The following DDX50 variants were observed in gnomAD, a reference collection of about 807,000 sequenced individuals.
DDX50 encodes the protein ATP-dependent RNA helicase DDX50.
In DDX50, 56 loss-of-function variants were observed where a neutral mutation model predicts 94.8. That is an observed-to-expected ratio of 0.59 (90% CI 0.48 to 0.74). The LOEUF (loss-of-function observed/expected upper bound fraction) is 0.74, where lower values mean the gene tolerates loss of function less well. Among genes scored for constraint, DDX50 ranks in the 30% least tolerant of loss-of-function variants. The pLI is 0.00. For synonymous variants in DDX50, 264 were observed against 295.4 expected (o/e 0.89, Z 1.09); for missense variants, 713 against 881.2 (o/e 0.81, Z 2.42).
Position 68,930,112 on chromosome 10 carries a change from T to C in DDX50, c.1240-4087T>C, listed in dbSNP as rs1313305997. Among the ~76,000 whole-genome samples the C allele has an allele frequency of 1.0e-3, 134 of 127,688 alleles. 1 individual carries two copies. Among genetic ancestry groups the C allele is most frequent in the African/African-American group, 5.0e-3 (130 of 25,828 alleles). The allele number at this position is 127,688 out of a possible 152,430, so 83.8% of individuals were successfully genotyped here. ...CCTTCCTTCCTTCCTTTCTTTCCTT[T>C]CCTTTTTTTTTTTTTTTTTTTTTTG... On this transcript the variant is annotated intron_variant, in intron 8 of 14. Transcript: ENST00000373585.
At chr10:68,909,254 T>G (rs982903610) in intron 2 of DDX50, among the ~76,000 whole-genome samples, 1 of 152,232 alleles carries the variant, frequency 6.6e-6, no homozygotes, top group Non-Finnish European at 1.5e-5. Context: ...AAATTGTTAG[T>G]GTGTGTTTCT....
chr10:68,943,290 A>AGAAT, intron 14 of DDX50, 33 bp downstream of exon 14: 1 of 1,543,384 alleles, frequency 6.5e-7, no homozygotes, highest in Non-Finnish European at 8.8e-7. Flanking sequence ...TAAATGGTTG[A>AGAAT]GTACATTCTC....
Position 68,913,432 on chromosome 10 carries a change from C to G in DDX50, c.799C>G (p.Pro267Ala). 1 of 1,614,000 alleles carries G rather than the reference C, an allele frequency of 6.2e-7. No homozygotes were observed. The highest frequency in any genetic ancestry group is 8.5e-7 in the Non-Finnish European group (1 of 1,179,986). ...TGGTATTGACATCTTGGTTGGAACA[C>G]CTGGTCGTATCAAAGACCATCTGCA... is the stretch of plus-strand genomic sequence containing the variant. The part of the protein sequence containing the change: ...RNGIDILVGT[P>A]GRIKDHLQSG... The change falls in exon 6 of 15, where the codon CCT (proline) becomes GCT (alanine). Residue 267 changes from proline to alanine, a missense_variant. Coordinates refer to ENST00000373585, the MANE Select transcript of DDX50 (RefSeq NM_024045.2).
Position 68,908,984 on chromosome 10 carries a change from TTTTG to T in DDX50, c.385-1307_385-1304del, listed in dbSNP as rs756089643. Among the ~76,000 whole-genome samples the T allele has an allele frequency of 2.4e-4, 37 of 152,074 alleles. 1 individual carries two copies. Among genetic ancestry groups the T allele is most frequent in the Admixed American group, 3.9e-4 (6 of 15,280 alleles). On this transcript the variant is annotated intron_variant, in intron 2 of 14. Transcript: ENST00000373585. ...TCTACAATGACAGTGTATTGTTTAT[TTTTG>T]TTTGTTTGTTTGTTTTTTATAGAGA...
rs1333241338 is a variant in DDX50, at chr10:68,946,526, CAG to C, written c.2113_2114del (p.Arg706ThrfsTer12). Reference protein sequence around the residue: ...GGRSGGRSGRQSRQGSRSGSR... With the variant: ...GGRSGGRSGRXSRQGSRSGSR... ...TCGATCTGGCGGCCGGTCAGGTAGACAGAGTCGACAAGGAAGTCGCTCAGGAA... is the reference window on the plus strand; with the variant it reads ...TCGATCTGGCGGCCGGTCAGGTAGACAGTCGACAAGGAAGTCGCTCAGGAA... On this transcript the variant is annotated frameshift_variant, in exon 15 of 15. Coordinates refer to ENST00000373585, the MANE Select transcript of DDX50 (RefSeq NM_024045.2). LOFTEE classifies it high-confidence loss of function. The C allele has an allele frequency of 1.2e-6, 2 of 1,614,184 alleles. No homozygotes were observed. The highest frequency in any genetic ancestry group is 1.1e-5 in the South Asian group (1 of 91,084).
intron 12 of DDX50, 97 bp downstream of exon 12, chr10:68,937,192 A>G: frequency 7.5e-7 from 1 of 1,327,590 alleles, no homozygotes; most frequent in Non-Finnish European, 9.9e-7. Flanking sequence ...GTGCAGAAAA[A>G]AACTGTTTTG....
At chr10:68,944,063 A>G (rs1213265471) in intron 14 of DDX50, among the ~76,000 whole-genome samples, 1 of 152,196 alleles carries the variant, frequency 6.6e-6, no homozygotes, top group East Asian at 1.9e-4. Flanking sequence ...GTATTCTATC[A>G]TTTCAACCAT....
At chr10:68,943,342 G>A in intron 14 of DDX50, 85 bp downstream of exon 14, 1 of 1,101,122 alleles carries the variant, frequency 9.1e-7, no homozygotes, top group Non-Finnish European at 1.3e-6. Context: ...TAGTCACAAT[G>A]TCATTATCAT....
At chr10:68,921,296 T>A (rs914707117) in intron 8 of DDX50, among the ~76,000 whole-genome samples, 1 of 152,206 alleles carries the variant, frequency 6.6e-6, no homozygotes, top group East Asian at 1.9e-4. Flanking sequence ...TATTGTTTGT[T>A]TTCTTGAATC....
At position 68,934,506 on chromosome 10, in the gene DDX50, G is replaced by T. The variant is rs954692964; in HGVS notation, c.1401+146G>T. The stretch of plus-strand genomic sequence containing the variant: ...TGTTAGTGTGCTATTAAATTTATCA[G>T]ATTCTGATACTTTTGCAGATGATTA... On this transcript the variant is annotated intron_variant, in intron 9 of 14. Transcript: ENST00000373585. This position sits in a 1 kb window ranked among gnomAD's most constrained non-coding sequence, Gnocchi z 4.0. 2.6e-6 allele frequency: 3 copies of T among 1,168,592 alleles called. No homozygotes were observed. The highest frequency in any genetic ancestry group is 3.6e-6 in the Non-Finnish European group (3 of 836,276). The allele number at this position is 1,168,592 out of a possible 1,614,324, so 72.4% of individuals were successfully genotyped here. A position where few individuals can be genotyped will look rare whatever the true frequency, so the allele number is the denominator to read the frequency against.
At chr10:68,915,945 AAAAT>A (rs1329652431) in intron 7 of DDX50, among the ~76,000 whole-genome samples, 2 of 152,224 alleles carry the variant, frequency 1.3e-5, no homozygotes, top group African/African-American at 4.8e-5. Context: ...ACTATTTTAA[AAAAT>A]AAATAGTGCT....
Position 68,913,420 on chromosome 10 carries a change from T to C in DDX50, c.787T>C (p.Leu263=). The C allele has an allele frequency of 6.2e-7, 1 of 1,613,754 alleles. No individual in the cohort carries two copies. Among genetic ancestry groups the C allele is most frequent in the Non-Finnish European group, 8.5e-7 (1 of 1,179,920 alleles). The change falls in exon 6 of 15, where the codon TTG becomes CTG. Residue 263 remains leucine (L), a synonymous_variant. Transcript: ENST00000373585. ...INHIRNGIDI[L]VGTPGRIKDH... ...TCATATTCGAAATGGTATTGACATC[T>C]TGGTTGGAACACCTGGTCGTATCAA...
chr10:68,910,062 C>T (rs113043989), intron 2 of DDX50, among the ~76,000 whole-genome samples: 10,394 of 152,102 alleles, frequency 0.068, 1,136 homozygotes, highest in African/African-American at 0.23. Flanking sequence ...TGGTGGCATG[C>T]GCCTGTGGTC....
chr10:68,920,541 A>T (rs1841913538), intron 8 of DDX50, among the ~76,000 whole-genome samples: 1 of 152,136 alleles, frequency 6.6e-6, no homozygotes, highest in African/African-American at 2.4e-5. Flanking sequence ...AAACAAAATG[A>T]ATTTCTATGG....
At position 68,920,154 on chromosome 10, in the gene DDX50, T is replaced by C. The variant is rs200990898; in HGVS notation, c.1239+173T>C. ...TGTGACCTGATAAGTCAGGATAGAA[T>C]TTTATCAGTTTTGTTTGTTTGTCTT... On this transcript the variant is annotated intron_variant, in intron 8 of 14. Coordinates refer to ENST00000373585, the MANE Select transcript of DDX50 (RefSeq NM_024045.2). Among the ~76,000 whole-genome samples the C allele has an allele frequency of 2.0e-5, 3 of 152,156 alleles. No homozygotes were observed. In the East Asian group the frequency reaches 5.8e-4, roughly 29 times the overall value.
intron 8 of DDX50, among the ~76,000 whole-genome samples, chr10:68,931,411 G>A (rs71493819): frequency 0.35 from 23,037 of 66,548 alleles, 3,806 homozygotes; most frequent in East Asian, 0.43. Flanking sequence ...ATATATATAT[G>A]TATATATATA....
In DDX50 at chr10:68,914,881, C is replaced by A. The variant is rs551306217; in HGVS notation, c.1089+677C>A. Among the ~76,000 whole-genome samples, 481 of 152,072 alleles carry A rather than the reference C, an allele frequency of 3.2e-3. 1 individual carries two copies. Among genetic ancestry groups the A allele is most frequent in the Non-Finnish European group, 5.6e-3 (383 of 67,980 alleles). On this transcript the variant is annotated intron_variant, in intron 7 of 14. Transcript: ENST00000373585. ...TACTAAAAATAGAAAAATTAGCCGG[C>A]CTGGTGGCGGGCCCCTGTAGTCCCA...
intron 10 of DDX50, 22 bp from the exon 11 acceptor site, chr10:68,935,984 A>C (rs1407071072): frequency 6.5e-7 from 1 of 1,527,230 alleles, no homozygotes; most frequent in Admixed American, 1.9e-5. Flanking sequence ...ATTTTTCTTT[A>C]ATGTAACTCT....
intron 12 of DDX50, among the ~76,000 whole-genome samples, chr10:68,938,087 ATGTC>A (rs1179510335): frequency 6.6e-6 from 1 of 152,178 alleles, no homozygotes; most frequent in Non-Finnish European, 1.5e-5. Flanking sequence ...TATCCTGAAA[ATGTC>A]TGTCTGTCTG....
Sources: allele counts gnomAD v4.1 joint callset (sites outside exome capture counted in the v4.1 genomes callset), GRCh38; gene constraint gnomAD v4.1.1; non-coding constraint Gnocchi (gnomAD v3.1); transcripts MANE v1.5; gene names NCBI Gene and HGNC (gene_info 2026-07-23, HGNC 2026-07-21).